Variants in PET117 observed in about 807,000 individuals in gnomAD.
PET117 encodes PET117 cytochrome c oxidase chaperone, also known as protein PET117 homolog, mitochondrial.
A neutral mutation model predicts 9.2 loss-of-function variants in PET117; 10 were observed. The observed-to-expected ratio is 1.09, with a 90% CI of 0.67 to 1.85. The LOEUF (loss-of-function observed/expected upper bound fraction) is 1.85, where lower values mean the gene tolerates loss of function less well. Among genes scored for constraint, PET117 ranks in the 40% most tolerant of loss-of-function variants. PET117 has a pLI of 0.00. For missense variants in PET117, 96 were observed against 98.2 expected (o/e 0.98, Z 0.09); for synonymous variants, 43 against 37.1 (o/e 1.16, Z -0.57).
chr20:18,139,633 C>T (rs62205112), intron 1 of PET117, among the ~76,000 whole-genome samples: 1,984 of 141,712 alleles, frequency 0.014, 22 homozygotes, highest in Admixed American at 0.023. Flanking sequence ...ACCAAAATAA[C>T]GTGTGTGTGT....
In PET117 at chr20:18,143,086, C is replaced by T; in HGVS notation, c.*729C>T. 3.6e-6 allele frequency: 5 copies of T among 1,404,956 alleles called. No individual in the cohort carries two copies. Among genetic ancestry groups the T allele is most frequent in the Non-Finnish European group, 4.6e-6 (5 of 1,077,866 alleles). 87.0% of individuals were successfully genotyped at this position (1,404,956 alleles called of 1,614,324 possible). A position where few individuals can be genotyped will look rare whatever the true frequency, so the allele number is the denominator to read the frequency against. On this transcript the variant is annotated 3_prime_UTR_variant, in exon 2 of 2. Coordinates refer to ENST00000432901, the MANE Select transcript of PET117 (RefSeq NM_001164811.2). ...TATATAAAACATAGGCATGTTTGTA[C>T]TAATGAAACGTACTGTCAACCTCTA...
rs1001413040 is a variant in PET117, at chr20:18,142,994, G to C, written c.*637G>C. On this transcript the variant is annotated 3_prime_UTR_variant, in exon 2 of 2. Coordinates refer to ENST00000432901, the MANE Select transcript of PET117 (RefSeq NM_001164811.2). Reference sequence around the variant, plus strand: ...TGTTTTTCCAACCTGTGAAAGAAACGTGAATGTAAAAGAGACCTAAATAAA... The same window carrying C: ...TGTTTTTCCAACCTGTGAAAGAAACCTGAATGTAAAAGAGACCTAAATAAA... 6 of 1,562,900 alleles carry C rather than the reference G, an allele frequency of 3.8e-6. No individual in the cohort carries two copies. The highest frequency in any genetic ancestry group is 4.3e-6 in the Non-Finnish European group (5 of 1,150,746).
intron 1 of PET117, among the ~76,000 whole-genome samples, chr20:18,141,037 T>G (rs2037538618): frequency 1.3e-4 from 3 of 22,596 alleles, no homozygotes; most frequent in Admixed American, 6.1e-4. Context: ...TTTTTTTTTT[T>G]TTTTTTTTTA....
Position 18,137,895 on chromosome 20 carries a change from C to G in PET117, c.-61C>G, listed in dbSNP as rs1600210248. ...GGCAGTACAGGCGGCGGTGCGCACTCTGCGGCGGCCTCTGCGCCTCGGGCG... is the reference window on the plus strand; with the variant it reads ...GGCAGTACAGGCGGCGGTGCGCACTGTGCGGCGGCCTCTGCGCCTCGGGCG... On this transcript the variant is annotated 5_prime_UTR_variant, in exon 1 of 2. Transcript: ENST00000432901. 1.4e-6 allele frequency: 2 copies of G among 1,432,954 alleles called. No homozygotes were observed. The highest frequency in any genetic ancestry group is 1.8e-6 in the Non-Finnish European group (2 of 1,097,110). The allele number at this position is 1,432,954 out of a possible 1,614,324, so 88.8% of individuals were successfully genotyped here. A position where few individuals can be genotyped will look rare whatever the true frequency, so the allele number is the denominator to read the frequency against.
intron 1 of PET117, among the ~76,000 whole-genome samples, chr20:18,140,681 G>T (rs1018214135): frequency 6.6e-6 from 1 of 151,652 alleles, no homozygotes; most frequent in African/African-American, 2.4e-5. Flanking sequence ...GCCTGGTGGC[G>T]CACGCCTGTA....
chr20:18,138,308 C>T (rs1164886647), intron 1 of PET117: 1 of 1,179,476 alleles, frequency 8.5e-7, no homozygotes, highest in Non-Finnish European at 1.0e-6. Context: ...TTTGGAGCTC[C>T]GCGCTGAAGG....
Position 18,141,016 on chromosome 20 carries a change from C to T in PET117, c.97-1192C>T, listed in dbSNP as rs1331481285. Among the ~76,000 whole-genome samples, 2 of 125,516 alleles carry T rather than the reference C, an allele frequency of 1.6e-5. 1 individual carries two copies. Among genetic ancestry groups the T allele is most frequent in the Non-Finnish European group, 3.3e-5 (2 of 61,286 alleles). 82.3% of individuals were successfully genotyped at this position (125,516 alleles called of 152,430 possible). A position where few individuals can be genotyped will look rare whatever the true frequency, so the allele number is the denominator to read the frequency against. ...GGGAACACAGGCACACACCACCACTCCCTGCAATTTTTTTTTTTTTTTTTT... is the reference window on the plus strand; with the variant it reads ...GGGAACACAGGCACACACCACCACTTCCTGCAATTTTTTTTTTTTTTTTTT... On this transcript the variant is annotated intron_variant, in intron 1 of 1. Transcript: ENST00000432901.
chr20:18,138,213 C>T (rs1230659963), intron 1 of PET117, 162 bp downstream of exon 1: 2 of 1,265,588 alleles, frequency 1.6e-6, no homozygotes, highest in Admixed American at 4.3e-5. Context: ...CCGGCGGCCG[C>T]TCTGCTGGGC....
At position 18,143,054 on chromosome 20, in the gene PET117, A is replaced by C; in HGVS notation, c.*697A>C. On this transcript the variant is annotated 3_prime_UTR_variant, in exon 2 of 2. Coordinates refer to ENST00000432901, the MANE Select transcript of PET117 (RefSeq NM_001164811.2). ...ATATTTATTCTCTAGTTGATCAGCTATAAATTTATATAAAACATAGGCATG... is the reference window on the plus strand; with the variant it reads ...ATATTTATTCTCTAGTTGATCAGCTCTAAATTTATATAAAACATAGGCATG... 7.0e-7 allele frequency: 1 copy of C among 1,431,924 alleles called. No individual in the cohort carries two copies. The highest frequency in any genetic ancestry group is 9.1e-7 in the Non-Finnish European group (1 of 1,093,650). The allele number at this position is 1,431,924 out of a possible 1,614,324, so 88.7% of individuals were successfully genotyped here.
At position 18,142,837 on chromosome 20, in the gene PET117, C is replaced by T. The variant is rs751152779; in HGVS notation, c.*480C>T. Reference sequence around the variant, plus strand: ...CGCACGACCAGAGTGGGGATTCCCTCAACAGTGATGAAGGAGACGTGTCTT... The same window carrying T: ...CGCACGACCAGAGTGGGGATTCCCTTAACAGTGATGAAGGAGACGTGTCTT... On this transcript the variant is annotated 3_prime_UTR_variant, in exon 2 of 2. Transcript: ENST00000432901. 1.2e-6 allele frequency: 2 copies of T among 1,614,156 alleles called. No individual in the cohort carries two copies. The highest frequency in any genetic ancestry group is 1.7e-6 in the Non-Finnish European group (2 of 1,180,038).
Position 18,142,440 on chromosome 20 carries a change from CTTTT to C in PET117, c.*89_*92del, listed in dbSNP as rs78016265. The stretch of plus-strand genomic sequence containing the variant: ...GAGAGTAGCTTAGTAGTATCTTCAT[CTTTT>C]TTTTTGGTCACTGTCCTTTTAAACT... On this transcript the variant is annotated 3_prime_UTR_variant, in exon 2 of 2. Coordinates refer to ENST00000432901, the MANE Select transcript of PET117 (RefSeq NM_001164811.2). 1.4e-6 allele frequency: 2 copies of C among 1,451,022 alleles called. No homozygotes were observed. The highest frequency in any genetic ancestry group is 1.8e-6 in the Non-Finnish European group (2 of 1,106,674). 89.9% of individuals were successfully genotyped at this position (1,451,022 alleles called of 1,614,324 possible). A position where few individuals can be genotyped will look rare whatever the true frequency, so the allele number is the denominator to read the frequency against.
chr20:18,142,596 A>G lies in PET117; in HGVS notation c.*239A>G. The G allele has an allele frequency of 6.3e-7, 1 of 1,595,902 alleles. No individual in the cohort carries two copies. The highest frequency in any genetic ancestry group is 1.3e-5 in the African/African-American group (1 of 74,724). ...GGGTGATCCTGGTAGAAGCCCCATT[A>G]GGGTCACTGTCCAGTGCTTAGGGTT... is the stretch of plus-strand genomic sequence containing the variant. On this transcript the variant is annotated 3_prime_UTR_variant, in exon 2 of 2. Coordinates refer to ENST00000432901, the MANE Select transcript of PET117 (RefSeq NM_001164811.2).
intron 1 of PET117, 161 bp downstream of exon 1, chr20:18,138,212 G>T: frequency 7.9e-7 from 1 of 1,265,364 alleles, no homozygotes; most frequent in East Asian, 3.2e-5. Context: ...GCCGGCGGCC[G>T]CTCTGCTGGG....
At chr20:18,142,029 AATT>A (rs2037606635) in intron 1 of PET117, among the ~76,000 whole-genome samples, 176 bp from the exon 2 acceptor site, 2 of 152,270 alleles carry the variant, frequency 1.3e-5, no homozygotes, top group South Asian at 4.1e-4. Flanking sequence ...CACACTACCA[AATT>A]TATTTGATCG....
Position 18,142,187 on chromosome 20 carries a change from ATC to A in PET117, c.97-19_97-18del. ...ACCACCTGTTCGGGATGTTACTGAAATCTGTTTCTTACGTTTTTAGAGGCTTC... is the reference window on the plus strand; with the variant it reads ...ACCACCTGTTCGGGATGTTACTGAAATGTTTCTTACGTTTTTAGAGGCTTC... On this transcript the variant is annotated intron_variant, in intron 1 of 1. Coordinates refer to ENST00000432901, the MANE Select transcript of PET117 (RefSeq NM_001164811.2). 6.5e-7 allele frequency: 1 copy of A among 1,534,354 alleles called. No homozygotes were observed. Among genetic ancestry groups the A allele is most frequent in the Non-Finnish European group, 8.7e-7 (1 of 1,144,830 alleles).
At chr20:18,139,656 GTGTGTGTGTGTGTGTGTGTT>G (rs1446939512) in intron 1 of PET117, among the ~76,000 whole-genome samples, 41 of 145,550 alleles carry the variant, frequency 2.8e-4, no homozygotes, top group African/African-American at 4.9e-5. Flanking sequence ...GTGTGTGTGT[GTGTGTGTGTGTGTGTGTGTT>G]TATTTTTTTT....
chr20:18,141,152 T>C (rs1194378958), intron 1 of PET117, among the ~76,000 whole-genome samples: 2 of 150,954 alleles, frequency 1.3e-5, no homozygotes, highest in Admixed American at 1.3e-4. Context: ...ACAGGAGTGC[T>C]GGGATTACAG....
rs1315411266 is a variant in PET117 at position 18,142,382 on chromosome 20, C to T, written c.*25C>T. The stretch of plus-strand genomic sequence containing the variant: ...ACTTGAATGTGAAATATCTGTTGGA[C>T]AGACAACACGAGTTTGTGTGTGTGT... On this transcript the variant is annotated 3_prime_UTR_variant, in exon 2 of 2. Coordinates refer to ENST00000432901, the MANE Select transcript of PET117 (RefSeq NM_001164811.2). 5 of 1,530,242 alleles carry T rather than the reference C, an allele frequency of 3.3e-6. No homozygotes were observed. The African/African-American group carries it at 6.9e-5, about 21-fold the overall frequency. 94.8% of individuals were successfully genotyped at this position (1,530,242 alleles called of 1,614,324 possible).
intron 1 of PET117, chr20:18,138,498 G>A: frequency 1.0e-6 from 1 of 979,702 alleles, no homozygotes; most frequent in Non-Finnish European, 1.2e-6. Context: ...CTCCCTCCTG[G>A]CCCAAGGTTG....
Sources: gnomAD v4.1 joint callset for allele counts (sites outside exome capture counted in the v4.1 genomes callset) on GRCh38, gnomAD v4.1.1 for gene constraint, MANE v1.5 for transcripts, NCBI Gene and HGNC (gene_info 2026-07-23, HGNC 2026-07-21) for gene names.